ROBO2: variants seen among roughly 807,000 people sequenced by gnomAD.
ROBO2 encodes roundabout homolog 2.
ROBO2 carries 53 observed loss-of-function variants against 160.8 expected under a neutral mutation model. The observed-to-expected ratio is 0.33, with a 90% CI of 0.26 to 0.41. ROBO2 has a LOEUF of 0.41. Ranked by LOEUF, ROBO2 falls within the 10% of genes least tolerant of loss-of-function variation. The pLI is 1.00. For synonymous variants in ROBO2, 664 were observed against 611.7 expected, an observed-to-expected ratio of 1.09 and a Z score of -1.26; for missense variants, 1,577 against 1,722.4, an observed-to-expected ratio of 0.92 and a Z score of 1.49.
chr3:77,115,179 A>T (rs2074076316), intron 2 of ROBO2, among the ~76,000 whole-genome samples: 1 of 152,160 alleles, frequency 6.6e-6, no homozygotes, highest in Non-Finnish European at 1.5e-5. Flanking sequence ...TTGAATAGAC[A>T]ATCTGTGGAA....
chr3:77,127,944 C>G (rs532777784), intron 2 of ROBO2, among the ~76,000 whole-genome samples: 1 of 152,278 alleles, frequency 6.6e-6, no homozygotes, highest in African/African-American at 2.4e-5. Flanking sequence ...CTATGTAAGG[C>G]CTCAGACAAA....
intron 2 of ROBO2, among the ~76,000 whole-genome samples, chr3:77,001,860 A>G (rs551365875): frequency 6.6e-6 from 1 of 152,314 alleles, no homozygotes. Flanking sequence ...CCATCTGCTT[A>G]GAATGTGAGC....
At chr3:76,215,365 T>C (rs1703438701) in intron 2 of ROBO2, among the ~76,000 whole-genome samples, 1 of 152,040 alleles carries the variant, frequency 6.6e-6, no homozygotes, top group Admixed American at 6.6e-5. Context: ...ACTACTCCGA[T>C]CTAAAGGAGG....
intron 2 of ROBO2, among the ~76,000 whole-genome samples, chr3:77,399,645 GA>G (rs2075614968): frequency 6.6e-6 from 1 of 152,118 alleles, no homozygotes; most frequent in East Asian, 1.9e-4. Flanking sequence ...AATTGGTCAT[GA>G]TAAGGACTTA....
chr3:76,201,146 A>C (rs1181143057), intron 2 of ROBO2, among the ~76,000 whole-genome samples: 2 of 152,146 alleles, frequency 1.3e-5, no homozygotes, highest in African/African-American at 4.8e-5. Flanking sequence ...TTTTTTTCTG[A>C]ATCAGTCTTT....
intron 2 of ROBO2, among the ~76,000 whole-genome samples, chr3:76,752,605 A>T (rs2060740027): frequency 6.6e-6 from 1 of 151,856 alleles, no homozygotes; most frequent in South Asian, 2.1e-4. Context: ...AAAGAATTAG[A>T]ATCACATTAC....
intron 2 of ROBO2, among the ~76,000 whole-genome samples, chr3:77,204,962 C>A (rs948481063): frequency 6.6e-6 from 1 of 152,212 alleles, no homozygotes; most frequent in Non-Finnish European, 1.5e-5. Flanking sequence ...GCTGCTCAGA[C>A]CCCTGACGGG....
rs193193389 is a variant in ROBO2, at chr3:76,981,686, A to C, written c.110-116328A>C. 6.7e-4 allele frequency among the ~76,000 whole-genome samples: 102 copies of C among 152,304 alleles called. 1 individual carries two copies. In the Middle Eastern group the frequency reaches 0.014, roughly 20 times the overall value. ...ATACCTAAGACTGGGTAATTTATAA[A>C]GAAAAAAGGTTTAATTGGCTCACTA... On this transcript the variant is annotated intron_variant, in intron 2 of 26. Transcript: ENST00000487694.
intron 2 of ROBO2, among the ~76,000 whole-genome samples, chr3:76,812,671 C>A (rs1178148847): frequency 6.6e-6 from 1 of 151,858 alleles, no homozygotes; most frequent in African/African-American, 2.4e-5. Context: ...AATATTAGTT[C>A]TCAAATAAAA....
At chr3:76,291,080 C>T (rs977175127) in intron 2 of ROBO2, among the ~76,000 whole-genome samples, 3 of 152,088 alleles carry the variant, frequency 2.0e-5, no homozygotes, top group African/African-American at 7.2e-5. Flanking sequence ...AAGAGACCCC[C>T]CTTCTCAATT....
In ROBO2 at chr3:76,790,466, G is replaced by A. The variant is rs570953656; in HGVS notation, c.110-307548G>A. Among the ~76,000 whole-genome samples, 5 of 151,642 alleles carry A rather than the reference G, an allele frequency of 3.3e-5. No homozygotes were observed. The East Asian group carries it at 9.7e-4, about 30-fold the overall frequency. On this transcript the variant is annotated intron_variant, in intron 2 of 26. Transcript: ENST00000487694. ...CTACAGATGCTTCTCCACTTAAAATGGATTTACTATCTGACAAACTCATTG... is the reference window on the plus strand; with the variant it reads ...CTACAGATGCTTCTCCACTTAAAATAGATTTACTATCTGACAAACTCATTG...
intron 22 of ROBO2, among the ~76,000 whole-genome samples, chr3:77,619,066 A>C (rs2153703940): frequency 6.6e-6 from 1 of 152,268 alleles, no homozygotes; most frequent in African/African-American, 2.4e-5. Flanking sequence ...CTCCACTCCC[A>C]GAGAAAGATT....
At chr3:76,961,898 C>T (rs2079691184) in intron 2 of ROBO2, among the ~76,000 whole-genome samples, 3 of 152,070 alleles carry the variant, frequency 2.0e-5, no homozygotes, top group South Asian at 4.1e-4. Flanking sequence ...CAACATAACT[C>T]GATTTAAAAT....
rs532048377 is a variant in ROBO2 at position 77,127,243 on chromosome 3, C to T, written c.388+28903C>T. 4.6e-5 allele frequency among the ~76,000 whole-genome samples: 7 copies of T among 152,154 alleles called. 1 individual carries two copies. The highest frequency in any genetic ancestry group is 1.9e-4 in the East Asian group (1 of 5,176). On this transcript the variant is annotated intron_variant, in intron 2 of 25. Transcript: ENST00000461745. ...CTTTTTTGTTTCAAATGTGACAGTC[C>T]GGTGCTATGCTTGGCACATAAAACC... is the stretch of plus-strand genomic sequence containing the variant.
At chr3:77,283,160 A>C (rs535117502) in intron 2 of ROBO2, among the ~76,000 whole-genome samples, 30 of 152,276 alleles carry the variant, frequency 2.0e-4, no homozygotes, top group African/African-American at 6.5e-4. Flanking sequence ...TATGTATAAT[A>C]TATGTATCTA....
At chr3:76,278,401 G>A (rs368184898) in intron 2 of ROBO2, among the ~76,000 whole-genome samples, 2 of 152,010 alleles carry the variant, frequency 1.3e-5, no homozygotes, top group East Asian at 1.9e-4. Context: ...TTGTTGAATA[G>A]GATATTGTTC....
At chr3:76,651,687 G>T (rs555093838) in intron 2 of ROBO2, among the ~76,000 whole-genome samples, 1 of 151,428 alleles carries the variant, frequency 6.6e-6, no homozygotes, top group South Asian at 2.1e-4. Flanking sequence ...GTGAAAACTA[G>T]TTACACTTTA....
At chr3:77,358,330 T>C (rs1465405763) in intron 2 of ROBO2, among the ~76,000 whole-genome samples, 1 of 152,170 alleles carries the variant, frequency 6.6e-6, no homozygotes, top group Non-Finnish European at 1.5e-5. Context: ...TTTCTTTGTT[T>C]CTTTCCATTG....
chr3:77,412,606 C>T (rs966424597), intron 2 of ROBO2, among the ~76,000 whole-genome samples: 5 of 152,192 alleles, frequency 3.3e-5, no homozygotes, highest in African/African-American at 1.2e-4. Context: ...GCTCCTGGAA[C>T]ACCCAAGGCT....
Sources: allele counts gnomAD v4.1 joint callset (sites outside exome capture counted in the v4.1 genomes callset), GRCh38; gene constraint gnomAD v4.1.1; transcripts MANE v1.5; gene names NCBI Gene and HGNC (gene_info 2026-07-23, HGNC 2026-07-21).